PSME4: variants seen among roughly 807,000 people sequenced by gnomAD.
The protein encoded by PSME4 is proteasome activator subunit 4, also known as proteasome activator complex subunit 4.
In PSME4, 89 loss-of-function variants were observed where a neutral mutation model predicts 253.9. The ratio of observed to expected loss-of-function variants is 0.35; its 90% CI spans 0.30 to 0.42. The LOEUF (loss-of-function observed/expected upper bound fraction) is 0.42. PSME4 is among the 10% of genes least tolerant of loss of function. PSME4 has a pLI of 1.00. For missense variants in PSME4, 2,014 were observed against 2,195.2 expected, an observed-to-expected ratio of 0.92 and a Z score of 1.65; for synonymous variants, 851 against 759.2, an observed-to-expected ratio of 1.12 and a Z score of -1.99.
chr2:53,922,480 T>A (rs1668371141), intron 17 of PSME4, 37 bp downstream of exon 17: 1 of 1,597,756 alleles, frequency 6.3e-7, no homozygotes, highest in Non-Finnish European at 8.6e-7. Flanking sequence ...GTCAGTGTTT[T>A]CACAGTCATG....
rs1680207865 is a variant in PSME4, at chr2:53,897,742, G to T, written c.3606+128C>A. The stretch of plus-strand genomic sequence containing the variant: ...CATTATCATCTCTGAATCAACAGGG[G>T]GAGATTTCAAATCAATACACTTCAA... On this transcript the variant is annotated intron_variant, in intron 31 of 46. Transcript: ENST00000404125. The T allele has an allele frequency of 4.8e-6, 5 of 1,047,782 alleles. No individual in the cohort carries two copies. The Admixed American group carries it at 7.0e-5, about 15-fold the overall frequency. The allele number at this position is 1,047,782 out of a possible 1,614,324, so 64.9% of individuals were successfully genotyped here. A position where few individuals can be genotyped will look rare whatever the true frequency, so the allele number is the denominator to read the frequency against.
intron 20 of PSME4, among the ~76,000 whole-genome samples, chr2:53,914,843 C>CGGTG (rs1667988327): frequency 6.6e-6 from 1 of 151,982 alleles, no homozygotes; most frequent in Non-Finnish European, 1.5e-5. Context: ...ATTGTGCCAC[C>CGGTG]GCACTCCAGC....
chr2:53,911,602 T>C (rs1667830427), intron 20 of PSME4, among the ~76,000 whole-genome samples: 1 of 146,332 alleles, frequency 6.8e-6, no homozygotes, highest in Non-Finnish European at 1.5e-5. Context: ...CCCCGCCCAC[T>C]GTTAGAGCAG....
At chr2:53,934,496 A>G in intron 8 of PSME4, 109 bp downstream of exon 8, 1 of 1,115,226 alleles carries the variant, frequency 9.0e-7, no homozygotes, top group Admixed American at 2.3e-5. Context: ...CCAAGAATCA[A>G]GTCACCAACC....
chr2:53,937,617 A>G, intron 4 of PSME4, 77 bp from the exon 5 acceptor site: 1 of 1,372,046 alleles, frequency 7.3e-7, no homozygotes, highest in Non-Finnish European at 1.0e-6. Flanking sequence ...TAACTGACCA[A>G]AAGGCTGGGG....
intron 1 of PSME4, among the ~76,000 whole-genome samples, chr2:53,959,126 G>A (rs1291594019): frequency 2.0e-5 from 3 of 152,140 alleles, no homozygotes; most frequent in African/African-American, 7.2e-5. Context: ...AAGCTAGCCT[G>A]GGCAACATGG....
intron 1 of PSME4, among the ~76,000 whole-genome samples, chr2:53,953,037 A>C (rs1670068563): frequency 6.6e-6 from 1 of 152,214 alleles, no homozygotes; most frequent in Admixed American, 6.5e-5. Flanking sequence ...AGAGACCAAC[A>C]GGGGGATTCC....
At chr2:53,962,572 A>G (rs1382626296) in intron 1 of PSME4, among the ~76,000 whole-genome samples, 1 of 152,218 alleles carries the variant, frequency 6.6e-6, no homozygotes, top group Non-Finnish European at 1.5e-5. Flanking sequence ...TGCCTTTCTT[A>G]GTGCCTCAAA....
rs755791975 is a variant in PSME4 at position 53,931,899 on chromosome 2, C to T, written c.1252G>A (p.Ala418Thr). The T allele has an allele frequency of 6.2e-7, 1 of 1,614,192 alleles. No individual in the cohort carries two copies. The highest frequency in any genetic ancestry group is 2.2e-5 in the East Asian group (1 of 44,884). ...MFSKTGSLEA[A>T]QALQNLALMR... The stretch of plus-strand genomic sequence containing the variant: ...AGTGCAAGATTCTGCAAAGCCTGGG[C>T]TGCTTCTAGACTACCGGTTTTGCTA... Residue 418 changes from alanine (A) to threonine (T), a missense_variant, in exon 10 of 47, where the codon GCC (alanine) becomes ACC (threonine). Coordinates refer to ENST00000404125, the MANE Select transcript of PSME4 (RefSeq NM_014614.3).
chr2:53,907,189 CTACTAAGACAAT>C (rs1680700348), intron 24 of PSME4, among the ~76,000 whole-genome samples: 2 of 151,956 alleles, frequency 1.3e-5, no homozygotes, highest in South Asian at 4.1e-4. Flanking sequence ...CAAAAACAGC[CTACTAAGACAAT>C]TGCTCAACTC....
intron 12 of PSME4, among the ~76,000 whole-genome samples, chr2:53,926,912 G>A (rs1311548119): frequency 6.6e-6 from 1 of 151,608 alleles, no homozygotes; most frequent in African/African-American, 2.4e-5. Context: ...GGTGGAGGTT[G>A]CAGTGAGCCG....
intron 3 of PSME4, among the ~76,000 whole-genome samples, chr2:53,942,382 A>G (rs1028234922): frequency 3.3e-5 from 5 of 151,844 alleles, no homozygotes; most frequent in Admixed American, 1.3e-4. Flanking sequence ...TTTTTTTAAA[A>G]TCAAAAGGGA....
chr2:53,950,456 A>T (rs1156878790), intron 1 of PSME4, among the ~76,000 whole-genome samples: 4 of 152,220 alleles, frequency 2.6e-5, no homozygotes, highest in African/African-American at 9.6e-5. Context: ...TTATACCAAA[A>T]ATAATTTAAT....
At chr2:53,924,121 TA>T (rs1366144392) in intron 14 of PSME4, among the ~76,000 whole-genome samples, 1 of 152,118 alleles carries the variant, frequency 6.6e-6, no homozygotes, top group African/African-American at 2.4e-5. Flanking sequence ...ATCCTTACCC[TA>T]AAAGAACTGA....
intron 1 of PSME4, among the ~76,000 whole-genome samples, chr2:53,959,830 T>C (rs1461024343): frequency 6.6e-6 from 1 of 152,150 alleles, no homozygotes; most frequent in African/African-American, 2.4e-5. Flanking sequence ...AAACAACACA[T>C]ACAAGACAAT....
intron 41 of PSME4, among the ~76,000 whole-genome samples, chr2:53,881,987 A>C (rs940763002): frequency 1.3e-5 from 2 of 151,850 alleles, no homozygotes; most frequent in Non-Finnish European, 2.9e-5. Flanking sequence ...GAATATGAAG[A>C]CTCTTAGACC....
rs752521263 is a variant in PSME4, at chr2:53,897,862, G to A, written c.3606+8C>T. The A allele has an allele frequency of 3.1e-6, 5 of 1,612,868 alleles. No individual in the cohort carries two copies. In the African/African-American group the frequency reaches 4.0e-5, roughly 13 times the overall value. ...AACCCAAGACTGTAGCTAAAACAAG[G>A]TATGTACCTTTCGAACTACAATTGC... On this transcript the variant is annotated splice_region_variant and intron_variant, in intron 31 of 46. Coordinates refer to ENST00000404125, the MANE Select transcript of PSME4 (RefSeq NM_014614.3).
At position 53,908,549 on chromosome 2, in the gene PSME4, A is replaced by G. The variant is rs776516177; in HGVS notation, c.2646T>C (p.Asn882=). ...IRKLLNHILD[N]SEDDTKSLFL... ...ACAATGACTTAGTATCATCTTCTGA[A>G]TTATCAAGTATGTGGTCTATAATGG... The change falls in exon 23 of 47, where the codon AAT becomes AAC. Residue 882 remains asparagine (N), a synonymous_variant. Coordinates refer to ENST00000404125, the MANE Select transcript of PSME4 (RefSeq NM_014614.3). 4 of 1,607,376 alleles carry G rather than the reference A, an allele frequency of 2.5e-6. No individual in the cohort carries two copies. The highest frequency in any genetic ancestry group is 3.4e-6 in the Non-Finnish European group (4 of 1,177,024).
At chr2:53,884,342 C>A (rs1462087377) in intron 41 of PSME4, among the ~76,000 whole-genome samples, 1 of 152,182 alleles carries the variant, frequency 6.6e-6, no homozygotes, top group Non-Finnish European at 1.5e-5. Flanking sequence ...TCCCGAGTAG[C>A]TGGGACTACA....
Sources: gnomAD v4.1 joint callset for allele counts (sites outside exome capture counted in the v4.1 genomes callset) on GRCh38, gnomAD v4.1.1 for gene constraint, MANE v1.5 for transcripts, NCBI Gene and HGNC (gene_info 2026-07-23, HGNC 2026-07-21) for gene names.